Variants in ESRP1 observed in about 807,000 individuals in gnomAD.
ESRP1 encodes the protein RNA-binding motif protein 35A.
Under a neutral mutation model 81.7 loss-of-function variants are expected in ESRP1, and 33 were observed. The ratio of observed to expected loss-of-function variants is 0.40; its 90% CI spans 0.31 to 0.54. The LOEUF (loss-of-function observed/expected upper bound fraction) is 0.54. Among genes scored for constraint, ESRP1 ranks in the 20% least tolerant of loss-of-function variants. ESRP1 has a pLI of 0.41. For synonymous variants in ESRP1, 320 were observed against 303.3 expected (o/e 1.06, Z -0.57); for missense variants, 672 against 833.1 (o/e 0.81, Z 2.38).
chr8:94,656,977 C>T (rs1818456486), intron 4 of ESRP1, among the ~76,000 whole-genome samples: 1 of 152,202 alleles, frequency 6.6e-6, no homozygotes, highest in South Asian at 2.1e-4. Flanking sequence ...AAATTTCTCT[C>T]TGAATTATAT....
chr8:94,673,940 C>T (rs1047573172), intron 11 of ESRP1, among the ~76,000 whole-genome samples: 11 of 152,088 alleles, frequency 7.2e-5, no homozygotes, highest in African/African-American at 1.9e-4. Context: ...TAGCTTTTCT[C>T]AATTGAATGA....
intron 9 of ESRP1, among the ~76,000 whole-genome samples, chr8:94,667,068 G>GGTGTGTGTGTGTGTGT (rs1163646804): frequency 0.034 from 4,952 of 144,242 alleles, 94 homozygotes; most frequent in Middle Eastern, 0.054. Context: ...CCAGGAGAGG[G>GGTGTGTGTGTGTGTGT]GTGTGTGTGT....
chr8:94,665,114 CG>C, intron 8 of ESRP1, 39 bp from the exon 9 acceptor site: 1 of 1,613,646 alleles, frequency 6.2e-7, no homozygotes, highest in Non-Finnish European at 8.5e-7. Flanking sequence ...TAACATAGGA[CG>C]GAAGGCTCAG....
At chr8:94,641,571 C>A in intron 1 of ESRP1, 121 bp downstream of exon 1, 1 of 1,408,326 alleles carries the variant, frequency 7.1e-7, no homozygotes, top group Non-Finnish European at 9.8e-7. Flanking sequence ...ACTTGTGAGT[C>A]TGGACCCGAG....
intron 15 of ESRP1, among the ~76,000 whole-genome samples, chr8:94,703,746 G>A (rs1809942641): frequency 6.6e-6 from 1 of 152,120 alleles, no homozygotes; most frequent in Non-Finnish European, 1.5e-5. Context: ...GCCTTCACTG[G>A]CCTGGCTTAC....
chr8:94,679,869 T>A (rs954028994), intron 13 of ESRP1, among the ~76,000 whole-genome samples: 4 of 152,334 alleles, frequency 2.6e-5, no homozygotes, highest in South Asian at 2.1e-4. Context: ...TTCTTTTTTT[T>A]AAAACTTGAA....
rs751910211 is a variant in ESRP1 at position 94,674,516 on chromosome 8, T to A, written c.1651+10T>A. The A allele has an allele frequency of 6.2e-7, 1 of 1,610,550 alleles. No individual in the cohort carries two copies. The highest frequency in any genetic ancestry group is 1.1e-5 in the South Asian group (1 of 90,736). On this transcript the variant is annotated intron_variant, in intron 12 of 15. Coordinates refer to ENST00000433389, the MANE Select transcript of ESRP1 (RefSeq NM_017697.4). ...CCATGTAAGTTACCATGTAAGTTTT[T>A]CTTGGGTCTTGGCGCTATTCTACGC...
intron 10 of ESRP1, among the ~76,000 whole-genome samples, chr8:94,669,928 G>C (rs1453650564): frequency 2.0e-5 from 3 of 150,530 alleles, no homozygotes; most frequent in Non-Finnish European, 4.4e-5. Flanking sequence ...CATAAGTGCT[G>C]AATCTCTAAA....
chr8:94,646,336 G>T, intron 4 of ESRP1, 54 bp downstream of exon 4: 1 of 562,342 alleles, frequency 1.8e-6, no homozygotes, highest in East Asian at 4.9e-5. Flanking sequence ...TCCAGAAAAG[G>T]TAATTCAAGA....
intron 13 of ESRP1, among the ~76,000 whole-genome samples, chr8:94,692,144 C>A (rs568662520): frequency 6.6e-6 from 1 of 152,144 alleles, no homozygotes; most frequent in African/African-American, 2.4e-5. Flanking sequence ...TTTTAAAAGG[C>A]AGGAAAATAT....
At chr8:94,657,990 C>A (rs1586191199) in intron 4 of ESRP1, among the ~76,000 whole-genome samples, 1 of 152,188 alleles carries the variant, frequency 6.6e-6, no homozygotes, top group Admixed American at 6.5e-5. Flanking sequence ...CGGTTCACTG[C>A]AACCTCTGCC....
intron 4 of ESRP1, 140 bp downstream of exon 4, chr8:94,646,422 A>G: frequency 3.6e-6 from 2 of 560,824 alleles, no homozygotes; most frequent in South Asian, 4.7e-5. Flanking sequence ...TCTGCTGAGA[A>G]ACTAAAATAC....
intron 1 of ESRP1, 127 bp downstream of exon 1, chr8:94,641,577 C>A (rs1041930340): frequency 2.2e-6 from 3 of 1,356,474 alleles, no homozygotes; most frequent in African/African-American, 2.9e-5. Context: ...GAGTCTGGAC[C>A]CGAGGCCTAG....
At chr8:94,703,437 A>G (rs1809928159) in intron 15 of ESRP1, among the ~76,000 whole-genome samples, 1 of 152,092 alleles carries the variant, frequency 6.6e-6, no homozygotes, top group Admixed American at 6.5e-5. Flanking sequence ...GGCATAAACC[A>G]TCGCTCCTGG....
At chr8:94,653,917 C>T (rs142057157) in intron 4 of ESRP1, among the ~76,000 whole-genome samples, 61 of 152,276 alleles carry the variant, frequency 4.0e-4, no homozygotes, top group Non-Finnish European at 5.6e-4. Context: ...TGAGCCAAAT[C>T]GGCATGGACA....
Position 94,665,140 on chromosome 8 carries a change from C to G in ESRP1, c.889-14C>G. ...GGAAGGCTCAGAAACACTAACTTCT[C>G]TGTCTTTTCTCAGGTTTACAAAGCA... On this transcript the variant is annotated splice_polypyrimidine_tract_variant and intron_variant, in intron 8 of 15. Transcript: ENST00000433389. 6.2e-7 allele frequency: 1 copy of G among 1,613,656 alleles called. No individual in the cohort carries two copies. Among genetic ancestry groups the G allele is most frequent in the Non-Finnish European group, 8.5e-7 (1 of 1,179,762 alleles).
intron 3 of ESRP1, among the ~76,000 whole-genome samples, chr8:94,644,024 C>T (rs187985921): frequency 2.0e-5 from 3 of 152,292 alleles, no homozygotes; most frequent in Non-Finnish European, 4.4e-5. Flanking sequence ...ATGTTCAAAA[C>T]ATTCTTGCAT....
intron 4 of ESRP1, among the ~76,000 whole-genome samples, chr8:94,654,801 C>T (rs757160423): frequency 6.6e-5 from 10 of 151,720 alleles, no homozygotes; most frequent in Non-Finnish European, 8.8e-5. Context: ...AAAATAAGCA[C>T]ACTCCTGTGG....
intron 13 of ESRP1, among the ~76,000 whole-genome samples, chr8:94,681,701 G>A (rs939566289): frequency 2.6e-5 from 4 of 151,868 alleles, no homozygotes; most frequent in Non-Finnish European, 5.9e-5. Flanking sequence ...CACTTCGGGA[G>A]GCCGAGGCAG....
Sources: gnomAD v4.1 joint callset for allele counts (sites outside exome capture counted in the v4.1 genomes callset) on GRCh38, gnomAD v4.1.1 for gene constraint, MANE v1.5 for transcripts, NCBI Gene and HGNC (gene_info 2026-07-23, HGNC 2026-07-21) for gene names.